The following CDH13 variants were observed in gnomAD, a reference collection of about 807,000 sequenced individuals.
CDH13 encodes cadherin 13.
CDH13 carries 24 observed loss-of-function variants against 63.8 expected under a neutral mutation model. That is an observed-to-expected ratio of 0.38 (90% CI 0.27 to 0.53). The LOEUF is 0.53. CDH13 is among the 20% of genes least tolerant of loss of function. The pLI is 0.85. For missense variants in CDH13, 1,049 were observed against 903.1 expected, an observed-to-expected ratio of 1.16 and a Z score of -2.07; for synonymous variants, 503 against 355.3, an observed-to-expected ratio of 1.42 and a Z score of -4.67.
In CDH13 at chr16:82,842,723, C is replaced by T. The variant is rs906500424; in HGVS notation, c.46-15639C>T. On this transcript the variant is annotated intron_variant, in intron 1 of 13. Coordinates refer to ENST00000567109, the MANE Select transcript of CDH13 (RefSeq NM_001257.5). ...TACACTTAATTTCTATTATTATTAC[C>T]TTATATAATGAAATAGTTATACAAC... 3.5e-5 allele frequency among the ~76,000 whole-genome samples: 3 copies of T among 86,178 alleles called. No individual in the cohort carries two copies. The East Asian group carries it at 6.2e-4, about 18-fold the overall frequency. 56.5% of individuals were successfully genotyped at this position (86,178 alleles called of 152,430 possible).
chr16:82,690,832 G>C (rs917697086), intron 1 of CDH13, among the ~76,000 whole-genome samples: 2 of 152,296 alleles, frequency 1.3e-5, no homozygotes, highest in South Asian at 2.1e-4. Flanking sequence ...GCCTGGCCTC[G>C]GCTGAGCTGA....
chr16:82,670,270 C>T (rs188715732), intron 1 of CDH13, among the ~76,000 whole-genome samples: 1 of 152,342 alleles, frequency 6.6e-6, no homozygotes, highest in Admixed American at 6.5e-5. Context: ...CTAGAGGGAT[C>T]AGGAAATAAC....
At chr16:83,152,113 G>T (rs2037008354) in intron 4 of CDH13, among the ~76,000 whole-genome samples, 1 of 152,146 alleles carries the variant, frequency 6.6e-6, no homozygotes, top group Non-Finnish European at 1.5e-5. Flanking sequence ...TGAAGTCTCT[G>T]TTGCATGAGA....
chr16:82,997,981 T>G (rs145097258), intron 2 of CDH13, among the ~76,000 whole-genome samples: 93 of 152,324 alleles, frequency 6.1e-4, no homozygotes, highest in Non-Finnish European at 1.0e-3. Context: ...AAACTCTGTA[T>G]AGAAGATATC....
intron 2 of CDH13, among the ~76,000 whole-genome samples, chr16:82,867,907 C>G (rs1194166257): frequency 6.6e-6 from 1 of 152,088 alleles, no homozygotes; most frequent in Non-Finnish European, 1.5e-5. Context: ...TGTCTACATT[C>G]TCTATCTTGA....
At chr16:83,426,988 G>C (rs574632132) in intron 6 of CDH13, among the ~76,000 whole-genome samples, 2 of 137,528 alleles carry the variant, frequency 1.5e-5, no homozygotes, top group Admixed American at 1.6e-4. Context: ...GTGCAGTGGC[G>C]TGATCTCGGC....
chr16:82,902,701 A>ATTC (rs753266133), intron 2 of CDH13, among the ~76,000 whole-genome samples: 5 of 151,840 alleles, frequency 3.3e-5, no homozygotes, highest in Admixed American at 6.6e-5. Flanking sequence ...ATTGGCATTC[A>ATTC]TTCATTTTTG....
At chr16:83,657,728 G>A (rs1198738089) in intron 8 of CDH13, among the ~76,000 whole-genome samples, 1 of 152,190 alleles carries the variant, frequency 6.6e-6, no homozygotes, top group Non-Finnish European at 1.5e-5. Flanking sequence ...GCATTTGCTT[G>A]CTTAGCAATA....
intron 1 of CDH13, among the ~76,000 whole-genome samples, chr16:82,735,565 A>G (rs912381555): frequency 2.6e-5 from 4 of 152,258 alleles, no homozygotes; most frequent in African/African-American, 9.6e-5. Flanking sequence ...CTGACAGAGT[A>G]CTATGTGTAA....
intron 1 of CDH13, among the ~76,000 whole-genome samples, chr16:82,725,539 T>C (rs2033047221): frequency 1.3e-5 from 2 of 152,182 alleles, no homozygotes; most frequent in South Asian, 4.1e-4. Context: ...TAAGGAATGG[T>C]AAAATGATCT....
chr16:83,564,880 G>C (rs1013382457), intron 7 of CDH13, among the ~76,000 whole-genome samples: 1 of 152,214 alleles, frequency 6.6e-6, no homozygotes, highest in African/African-American at 2.4e-5. Flanking sequence ...AATTGTCTGA[G>C]TCCTGCAGTA....
intron 1 of CDH13, among the ~76,000 whole-genome samples, chr16:82,794,728 C>CA (rs2080958064): frequency 6.6e-6 from 1 of 152,188 alleles, no homozygotes; most frequent in Non-Finnish European, 1.5e-5. Flanking sequence ...CTTAATATTT[C>CA]AAAAACTATG....
intron 1 of CDH13, among the ~76,000 whole-genome samples, chr16:82,855,637 C>T (rs1483379309): frequency 2.0e-5 from 3 of 152,126 alleles, no homozygotes; most frequent in Non-Finnish European, 2.9e-5. Context: ...GCTTCCAGAG[C>T]GATCTAACCA....
intron 6 of CDH13, among the ~76,000 whole-genome samples, chr16:83,468,943 A>G (rs1567693610): frequency 6.6e-6 from 1 of 152,030 alleles, no homozygotes; most frequent in Non-Finnish European, 1.5e-5. Flanking sequence ...TCTTTCTTCC[A>G]TTGCCCGTGG....
At chr16:83,102,676 A>G (rs1432498203) in intron 3 of CDH13, among the ~76,000 whole-genome samples, 1 of 152,166 alleles carries the variant, frequency 6.6e-6, no homozygotes, top group Non-Finnish European at 1.5e-5. Flanking sequence ...AAGAGGATGT[A>G]GAGGTATAGT....
At chr16:83,049,787 T>A (rs1489775586) in intron 3 of CDH13, among the ~76,000 whole-genome samples, 4 of 152,208 alleles carry the variant, frequency 2.6e-5, no homozygotes, top group South Asian at 2.1e-4. Flanking sequence ...TTGACTGTTA[T>A]GAACAACACT....
chr16:83,532,853 A>G (rs750433030), intron 7 of CDH13, among the ~76,000 whole-genome samples: 59 of 152,324 alleles, frequency 3.9e-4, no homozygotes, highest in Admixed American at 1.7e-3. Context: ...CGTTGTGCCA[A>G]CATCCCGGCA....
intron 6 of CDH13, among the ~76,000 whole-genome samples, chr16:83,359,096 G>A (rs902867694): frequency 6.6e-6 from 1 of 152,026 alleles, no homozygotes; most frequent in Admixed American, 6.5e-5. Flanking sequence ...TCTTGCCAGT[G>A]AATCAAGTTG....
rs538789646 is a variant in CDH13, at chr16:83,290,788, G to A, written c.637-54074G>A. Among the ~76,000 whole-genome samples the A allele has an allele frequency of 1.2e-4, 18 of 152,206 alleles. No individual in the cohort carries two copies. In the South Asian group the frequency reaches 2.7e-3, roughly 23 times the overall value. ...TTGTGACTGTCCACTGTCCATGCAC[G>A]TGCACTTTTTTTCTTTCTGACCATG... On this transcript the variant is annotated intron_variant, in intron 5 of 13. Coordinates refer to ENST00000567109, the MANE Select transcript of CDH13 (RefSeq NM_001257.5).
Sources: allele counts gnomAD v4.1 joint callset (sites outside exome capture counted in the v4.1 genomes callset), GRCh38; gene constraint gnomAD v4.1.1; transcripts MANE v1.5; gene names NCBI Gene and HGNC (gene_info 2026-07-23, HGNC 2026-07-21).